Variants in SHISAL1 observed in about 807,000 individuals in gnomAD.
SHISAL1 encodes the protein shisa like 1.
Under a neutral mutation model 22.6 loss-of-function variants are expected in SHISAL1, and 9 were observed. That is an observed-to-expected ratio of 0.40 (90% CI 0.24 to 0.70). SHISAL1 has a LOEUF of 0.70. SHISAL1 is among the 30% of genes least tolerant of loss of function. The pLI is 0.39. For synonymous variants in SHISAL1, 119 were observed against 115.4 expected (o/e 1.03, Z -0.20); for missense variants, 246 against 270.6 (o/e 0.91, Z 0.64).
At chr22:44,313,490 C>T (rs1424084526), upstream of SHISAL1, among the ~76,000 whole-genome samples, 1 of 152,236 alleles carries the variant, frequency 6.6e-6, no homozygotes, top group Admixed American at 6.5e-5. Flanking sequence ...CTACCCCTGG[C>T]CTGTCCCCAC....
the SHISAL1 span, among the ~76,000 whole-genome samples, chr22:44,328,457 C>A: frequency 6.6e-6 from 1 of 152,154 alleles, no homozygotes; most frequent in Non-Finnish European, 1.5e-5. Context: ...CCAAGTGCAA[C>A]CCTAGTGCTG....
At chr22:44,278,897 G>C (rs547801020) in intron 4 of SHISAL1, among the ~76,000 whole-genome samples, 38 of 152,256 alleles carry the variant, frequency 2.5e-4, no homozygotes, top group African/African-American at 8.9e-4. Flanking sequence ...GGGCACCAGG[G>C]CGTGGGTAGG....
In SHISAL1 at chr22:44,296,677, C is replaced by A. The variant is rs757869309; in HGVS notation, c.276G>T (p.Met92Ile). 1.2e-6 allele frequency: 2 copies of A among 1,613,486 alleles called. No individual in the cohort carries two copies. The highest frequency in any genetic ancestry group is 1.7e-6 in the Non-Finnish European group (2 of 1,179,938). The part of the protein sequence containing the change: ...ANLTASSEGY[M>I]HNNYTALLGV... Reference sequence around the variant, plus strand: ...ACCCCCAGAGTGGCACTCACTTGTGCATGTAACCCTCGGAGCTGGCCGTGA... The same window carrying A: ...ACCCCCAGAGTGGCACTCACTTGTGAATGTAACCCTCGGAGCTGGCCGTGA... The change falls in exon 3 of 5, where the codon ATG becomes ATT. Residue 92 changes from methionine to isoleucine, a missense_variant. Coordinates refer to ENST00000381176, the MANE Select transcript of SHISAL1 (RefSeq NM_001099294.2).
Position 44,296,783 on chromosome 22 carries a change from A to G in SHISAL1, c.170T>C (p.Ile57Thr). The G allele has an allele frequency of 6.2e-7, 1 of 1,614,032 alleles. No homozygotes were observed. The highest frequency in any genetic ancestry group is 8.5e-7 in the Non-Finnish European group (1 of 1,180,004). Residue 57 changes from isoleucine to threonine, a missense_variant, in exon 3 of 5, where the codon ATC becomes ACC. This residue lies in a region of SHISAL1 where 110 missense variants were observed against 153.1 expected (regional missense o/e 0.72). Coordinates refer to ENST00000381176, the MANE Select transcript of SHISAL1 (RefSeq NM_001099294.2). ...CGTGTTGTTATGGTGACAACAGAGG[A>G]TGAAGGTCTTGTTGTCCGAGAGCCG... ...CPRLSDNKTF[I>T]LCCHHNNTVF...
intron 1 of SHISAL1, among the ~76,000 whole-genome samples, chr22:44,305,642 C>T (rs1399334496): frequency 2.0e-4 from 31 of 152,224 alleles, no homozygotes; most frequent in Admixed American, 1.9e-3. Flanking sequence ...AGGCACACCC[C>T]GTGGTCATGT....
chr22:44,308,918 C>CTT (rs1569227413), intron 1 of SHISAL1, among the ~76,000 whole-genome samples: 57 of 144,276 alleles, frequency 4.0e-4, no homozygotes, highest in Non-Finnish European at 7.4e-4. Context: ...TCATGGGGGG[C>CTT]GGGAGGCTGA....
rs113523691 is a variant in SHISAL1, at chr22:44,280,134, T to C, written c.599+5294A>G. Among the ~76,000 whole-genome samples the C allele has an allele frequency of 1.1e-4, 16 of 151,976 alleles. 1 individual carries two copies. The highest frequency in any genetic ancestry group is 2.9e-4 in the African/African-American group (12 of 41,448). On this transcript the variant is annotated intron_variant, in intron 4 of 4. Transcript: ENST00000381176. Reference sequence around the variant, plus strand: ...GCAGGTTTTGAAGGATGAATAGGAGTTCCCCAGGGAGATGTGGGGCAGAGC... The same window carrying C: ...GCAGGTTTTGAAGGATGAATAGGAGCTCCCCAGGGAGATGTGGGGCAGAGC...
upstream of SHISAL1, among the ~76,000 whole-genome samples, chr22:44,314,052 T>G (rs2055541519): frequency 6.6e-6 from 1 of 151,982 alleles, no homozygotes; most frequent in East Asian, 1.9e-4. Flanking sequence ...TATTTAATCT[T>G]CATGATTAGG....
chr22:44,283,519 G>A (rs1406794823), intron 4 of SHISAL1, among the ~76,000 whole-genome samples: 1 of 152,234 alleles, frequency 6.6e-6, no homozygotes, highest in African/African-American at 2.4e-5. Flanking sequence ...TGGGCAGGAT[G>A]AGATCGGGGA....
intron 3 of SHISAL1, 29 bp from the exon 4 acceptor site, chr22:44,285,774 A>G (rs1475545285): frequency 6.5e-7 from 1 of 1,547,432 alleles, no homozygotes; most frequent in South Asian, 1.2e-5. Context: ...GGAGTGAGCA[A>G]GCAGAGGGGA....
chr22:44,277,235 C>A (rs1283540633), intron 4 of SHISAL1, among the ~76,000 whole-genome samples: 2 of 152,162 alleles, frequency 1.3e-5, no homozygotes, highest in African/African-American at 2.4e-5. Context: ...CAAGCATTTG[C>A]AGAGCAGCTG....
chr22:44,265,306 G>A (rs750475226), intron 4 of SHISAL1, among the ~76,000 whole-genome samples: 2 of 152,052 alleles, frequency 1.3e-5, no homozygotes, highest in Non-Finnish European at 2.9e-5. Context: ...GGTTCCACCG[G>A]GCTCTGCACC....
At chr22:44,309,583 G>T (rs569319818) in intron 1 of SHISAL1, among the ~76,000 whole-genome samples, 1 of 152,280 alleles carries the variant, frequency 6.6e-6, no homozygotes, top group African/African-American at 2.4e-5. Context: ...GCTCGGAGAG[G>T]GGACTCAAAC....
intron 1 of SHISAL1, among the ~76,000 whole-genome samples, chr22:44,309,585 G>A (rs944022042): frequency 2.0e-5 from 3 of 152,158 alleles, no homozygotes; most frequent in Non-Finnish European, 4.4e-5. Context: ...TCGGAGAGGG[G>A]ACTCAAACCC....
chr22:44,321,873 G>A, the SHISAL1 span, among the ~76,000 whole-genome samples: 4 of 152,138 alleles, frequency 2.6e-5, no homozygotes, highest in African/African-American at 9.7e-5. Context: ...CGGCCCTTCG[G>A]AGCACTCTGC....
rs2055031408 is a variant in SHISAL1, at chr22:44,249,516, A to G, written c.*169T>C. ...GCCCCTACCCCTGAGTTTGCTCCTA[A>G]TCTTAGAAGTCCGCGGAAGGGGGCT... is the stretch of plus-strand genomic sequence containing the variant. On this transcript the variant is annotated 3_prime_UTR_variant, in exon 5 of 5. Coordinates refer to ENST00000381176, the MANE Select transcript of SHISAL1 (RefSeq NM_001099294.2). The G allele has an allele frequency of 3.4e-6, 2 of 584,748 alleles. No individual in the cohort carries two copies. The highest frequency in any genetic ancestry group is 5.8e-5 in the East Asian group (2 of 34,674). 36.2% of individuals were successfully genotyped at this position (584,748 alleles called of 1,614,324 possible). A position where few individuals can be genotyped will look rare whatever the true frequency, so the allele number is the denominator to read the frequency against.
At chr22:44,267,042 G>T (rs1268117688) in intron 4 of SHISAL1, among the ~76,000 whole-genome samples, 2 of 152,090 alleles carry the variant, frequency 1.3e-5, no homozygotes, top group Non-Finnish European at 2.9e-5. Flanking sequence ...ACGGTGCCTG[G>T]TATGTTGTTG....
the SHISAL1 span, among the ~76,000 whole-genome samples, chr22:44,324,569 A>G: frequency 2.2e-4 from 34 of 152,294 alleles, no homozygotes; most frequent in South Asian, 6.8e-3. Context: ...TGCTAACTAA[A>G]CCCTTTGTAT....
intron 4 of SHISAL1, among the ~76,000 whole-genome samples, chr22:44,270,412 C>A (rs1285020585): frequency 6.6e-6 from 1 of 152,144 alleles, no homozygotes. Context: ...TAAGTGACAA[C>A]AGTATTGGTC....
Sources: gnomAD v4.1 joint callset for allele counts (sites outside exome capture counted in the v4.1 genomes callset) on GRCh38, gnomAD v4.1.1 for gene constraint, gnomAD v4.1.1 regional missense constraint, MANE v1.5 for transcripts, NCBI Gene and HGNC (gene_info 2026-07-23, HGNC 2026-07-21) for gene names.